UBB: variants seen among roughly 807,000 people sequenced by gnomAD.
UBB encodes polyubiquitin-B.
Under a neutral mutation model 12.5 loss-of-function variants are expected in UBB, and 11 were observed. The observed-to-expected ratio is 0.88, with a 90% CI of 0.55 to 1.45. UBB has a LOEUF of 1.45. Ranked by LOEUF, UBB falls within the 40% of genes most tolerant of loss-of-function variation. The pLI, the probability that UBB is intolerant of heterozygous loss-of-function variation, is 0.00. For missense variants in UBB, 76 were observed against 286.9 expected (o/e 0.26, Z 5.31); for synonymous variants, 168 against 120.1 (o/e 1.40, Z -2.61).
rs1167726186 is a variant in UBB, at chr17:16,382,194, G to A, written c.287G>A (p.Ser96Asn). 1 of 1,611,308 alleles carries A rather than the reference G, an allele frequency of 6.2e-7. No homozygotes were observed. The highest frequency in any genetic ancestry group is 8.5e-7 in the Non-Finnish European group (1 of 1,179,602). The change falls in exon 2 of 2, where the codon AGT (serine) becomes AAT (asparagine). Residue 96 changes from serine (S) to asparagine (N), a missense_variant. Coordinates refer to ENST00000302182, the MANE Select transcript of UBB (RefSeq NM_018955.4). ...GKTITLEVEP[S>N]DTIENVKAKI... is the part of the protein sequence containing the mutation. Reference sequence around the variant, plus strand: ...ACCATCACCCTGGAAGTGGAGCCCAGTGACACCATCGAAAATGTGAAGGCC... The same window carrying A: ...ACCATCACCCTGGAAGTGGAGCCCAATGACACCATCGAAAATGTGAAGGCC...
chr17:16,381,755 C>G (rs2093276280), intron 1 of UBB, 147 bp from the exon 2 acceptor site: 1 of 1,100,614 alleles, frequency 9.1e-7, no homozygotes, highest in East Asian at 2.6e-5. Flanking sequence ...GTGACTTAGC[C>G]TTGTAAAATT....
In UBB at chr17:16,382,216, G is replaced by A. The variant is rs377487692; in HGVS notation, c.309G>A (p.Lys103=). ...VEPSDTIENV[K]AKIQDKEGIP... The stretch of plus-strand genomic sequence containing the variant: ...CCAGTGACACCATCGAAAATGTGAA[G>A]GCCAAGATCCAGGATAAAGAAGGCA... The change falls in exon 2 of 2, where the codon AAG becomes AAA. Residue 103 remains lysine (K), a synonymous_variant. Transcript: ENST00000302182. 2.8e-5 allele frequency: 45 copies of A among 1,611,052 alleles called. No individual in the cohort carries two copies. Among genetic ancestry groups the A allele is most frequent in the Non-Finnish European group, 3.4e-5 (40 of 1,179,550 alleles).
rs1204539351 is a variant in UBB, at chr17:16,382,703, C to T, written c.*106C>T. On this transcript the variant is annotated 3_prime_UTR_variant, in exon 2 of 2. Coordinates refer to ENST00000302182, the MANE Select transcript of UBB (RefSeq NM_018955.4). ...ATTACAAGTTTCAGTAATAGCTGAACCTGTTCAAAATGTTAATAAAGGTTT... is the reference window on the plus strand; with the variant it reads ...ATTACAAGTTTCAGTAATAGCTGAATCTGTTCAAAATGTTAATAAAGGTTT... 1.4e-6 allele frequency: 2 copies of T among 1,434,144 alleles called. No homozygotes were observed. The highest frequency in any genetic ancestry group is 1.9e-6 in the Non-Finnish European group (2 of 1,058,708). 88.8% of individuals were successfully genotyped at this position (1,434,144 alleles called of 1,614,324 possible).
chr17:16,381,214 G>A (rs561844929), intron 1 of UBB, 30 bp downstream of exon 1: 1 of 153,836 alleles, frequency 6.5e-6, no homozygotes, highest in South Asian at 2.0e-4. Flanking sequence ...ACGACCTTGG[G>A]GGGGTGTGAG....
chr17:16,381,745 G>A, intron 1 of UBB, 157 bp from the exon 2 acceptor site: 1 of 1,030,368 alleles, frequency 9.7e-7, no homozygotes, highest in Non-Finnish European at 1.4e-6. Context: ...TTCGTATTAA[G>A]TGACTTAGCC....
Position 16,381,118 on chromosome 17 carries a change from G to A in UBB, c.-73G>A, listed in dbSNP as rs1353184942. ...TTAGGGGCGGTTGGCTTTGTTGGGT[G>A]AGCTTGTTTGTGTCCCTGTGGGTGG... On this transcript the variant is annotated 5_prime_UTR_variant, in exon 1 of 2. Coordinates refer to ENST00000302182, the MANE Select transcript of UBB (RefSeq NM_018955.4). 1 of 152,638 alleles carries A rather than the reference G, an allele frequency of 6.6e-6. No individual in the cohort carries two copies. Among genetic ancestry groups the A allele is most frequent in the Non-Finnish European group, 1.5e-5 (1 of 68,168 alleles). 9.5% of individuals were successfully genotyped at this position (152,638 alleles called of 1,614,324 possible). A position where few individuals can be genotyped will look rare whatever the true frequency, so the allele number is the denominator to read the frequency against.
chr17:16,381,757 T>G (rs2093276288), intron 1 of UBB, 145 bp from the exon 2 acceptor site: 1 of 1,113,946 alleles, frequency 9.0e-7, no homozygotes, highest in Admixed American at 2.8e-5. Context: ...GACTTAGCCT[T>G]GTAAAATTGA....
At chr17:16,381,720 C>A in intron 1 of UBB, 182 bp from the exon 2 acceptor site, 2 of 864,920 alleles carry the variant, frequency 2.3e-6, no homozygotes, top group Non-Finnish European at 3.4e-6. Flanking sequence ...GACGTTGAAA[C>A]CTTGAATGAC....
intron 1 of UBB, chr17:16,381,511 GAAAGGTGC>G (rs1360803808): frequency 4.4e-6 from 1 of 225,822 alleles, no homozygotes; most frequent in African/African-American, 2.3e-5. Context: ...CCCAGTGTGA[GAAAGGTGC>G]CCCTTCTTGT....
rs576530661 is a variant in UBB at position 16,381,162 on chromosome 17, A to G, written c.-29A>G. Reference sequence around the variant, plus strand: ...TGGGTGGACGTGGTTGGTGATTGGCAGGATCCTGGTATCCGCTAACAGGTA... The same window carrying G: ...TGGGTGGACGTGGTTGGTGATTGGCGGGATCCTGGTATCCGCTAACAGGTA... On this transcript the variant is annotated 5_prime_UTR_variant, in exon 1 of 2. Coordinates refer to ENST00000302182, the MANE Select transcript of UBB (RefSeq NM_018955.4). 207 of 149,650 alleles carry G rather than the reference A, an allele frequency of 1.4e-3. 5 individuals are homozygous for G. The South Asian group carries it at 0.043, about 31-fold the overall frequency. The allele number at this position is 149,650 out of a possible 1,614,324, so 9.3% of individuals were successfully genotyped here. A position where few individuals can be genotyped will look rare whatever the true frequency, so the allele number is the denominator to read the frequency against.
In UBB at chr17:16,381,708, T is replaced by C. The variant is rs1236230696; in HGVS notation, c.-6-194T>C. On this transcript the variant is annotated intron_variant, in intron 1 of 1. Coordinates refer to ENST00000302182, the MANE Select transcript of UBB (RefSeq NM_018955.4). ...AGAGAGCGCTCTGGATTTTCCGCTG[T>C]TGACGTTGAAACCTTGAATGACGAA... is the stretch of plus-strand genomic sequence containing the variant. The C allele has an allele frequency of 2.2e-5, 17 of 763,524 alleles. No homozygotes were observed. In the Admixed American group the frequency reaches 2.7e-4, roughly 12 times the overall value. The allele number at this position is 763,524 out of a possible 1,614,324, so 47.3% of individuals were successfully genotyped here. A position where few individuals can be genotyped will look rare whatever the true frequency, so the allele number is the denominator to read the frequency against.
At chr17:16,381,880 T>G in intron 1 of UBB, 22 bp from the exon 2 acceptor site, 1 of 1,612,790 alleles carries the variant, frequency 6.2e-7, no homozygotes, top group Non-Finnish European at 8.5e-7. Context: ...GGTGACACGC[T>G]TATGTTTTAC....
rs370706400 is a variant in UBB at position 16,382,162 on chromosome 17, C to T, written c.255C>T (p.Thr85=). The T allele has an allele frequency of 1.1e-5, 18 of 1,608,498 alleles. No homozygotes were observed. The African/African-American group carries it at 1.4e-4, about 12-fold the overall frequency. The part of the protein sequence containing the change: ...GGMQIFVKTL[T]GKTITLEVEP... The stretch of plus-strand genomic sequence containing the variant: ...TGCAGATCTTCGTGAAGACCCTGAC[C>T]GGCAAGACCATCACCCTGGAAGTGG... Residue 85 remains threonine, a synonymous_variant, in exon 2 of 2, where the codon ACC becomes ACT. Transcript: ENST00000302182.
chr17:16,381,628 CG>C, intron 1 of UBB: 1 of 501,232 alleles, frequency 2.0e-6, no homozygotes, highest in African/African-American at 1.9e-5. Flanking sequence ...GGAGTTCGGT[CG>C]GGGGAGTTTG....
chr17:16,381,834 T>C, intron 1 of UBB, 68 bp from the exon 2 acceptor site: 1 of 1,546,374 alleles, frequency 6.5e-7, no homozygotes, highest in Non-Finnish European at 8.8e-7. Context: ...TTTTGAAGAA[T>C]ATTAGGTGTA....
upstream of UBB, chr17:16,380,831 CT>C (rs1266258143): frequency 6.5e-6 from 1 of 153,610 alleles, no homozygotes; most frequent in African/African-American, 2.4e-5. Context: ...GTTTCTTCAA[CT>C]CAAATTCATC....
In UBB at chr17:16,381,195, G is replaced by A; in HGVS notation, c.-7+11G>A. On this transcript the variant is annotated intron_variant, in intron 1 of 1. Coordinates refer to ENST00000302182, the MANE Select transcript of UBB (RefSeq NM_018955.4). ...GGTATCCGCTAACAGGTACTGGCCC[G>A]CAGCCGTAACGACCTTGGGGGGGTG... 1 of 146,372 alleles carries A rather than the reference G, an allele frequency of 6.8e-6. No individual in the cohort carries two copies. Among genetic ancestry groups the A allele is most frequent in the Non-Finnish European group, 1.5e-5 (1 of 67,022 alleles). The allele number at this position is 146,372 out of a possible 1,614,324, so 9.1% of individuals were successfully genotyped here.
At chr17:16,380,896 A>G (rs2093272344), upstream of UBB, 1 of 153,732 alleles carries the variant, frequency 6.5e-6, no homozygotes, top group African/African-American at 2.4e-5. Context: ...CGCATAGAGG[A>G]GAAGGGAAAT....
intron 1 of UBB, chr17:16,381,390 T>C (rs1227190247): frequency 5.7e-6 from 1 of 173,996 alleles, no homozygotes; most frequent in Admixed American, 5.5e-5. Context: ...GCGCGCGCGT[T>C]GACGGAAACT....
Sources: allele counts gnomAD v4.1 joint callset, GRCh38; gene constraint gnomAD v4.1.1; transcripts MANE v1.5; gene names NCBI Gene and HGNC (gene_info 2026-07-23, HGNC 2026-07-21).